The following MLLT3 variants were observed in gnomAD, a reference collection of about 807,000 sequenced individuals.
MLLT3 encodes MLLT3 super elongation complex subunit, also known as protein AF-9.
MLLT3 carries 4 observed loss-of-function variants against 53.2 expected under a neutral mutation model. That is an observed-to-expected ratio of 0.08 (90% CI 0.04 to 0.17). The LOEUF (loss-of-function observed/expected upper bound fraction) is 0.17, where lower values mean the gene tolerates loss of function less well. Ranked by LOEUF, MLLT3 falls within the 10% of genes least tolerant of loss-of-function variation. The pLI is 1.00. For missense variants in MLLT3, 569 were observed against 684.0 expected (o/e 0.83, Z 1.87); for synonymous variants, 283 against 230.6 (o/e 1.23, Z -2.06).
intron 2 of MLLT3, among the ~76,000 whole-genome samples, chr9:20,618,557 A>T (rs1229708484): frequency 2.6e-5 from 4 of 152,242 alleles, no homozygotes; most frequent in African/African-American, 9.6e-5. Flanking sequence ...TAAACATTTT[A>T]AAACAATGGC....
chr9:20,441,547 T>A (rs1404547564), intron 4 of MLLT3, among the ~76,000 whole-genome samples: 1 of 152,106 alleles, frequency 6.6e-6, no homozygotes, highest in African/African-American at 2.4e-5. Flanking sequence ...ATGCCAAATA[T>A]GACAGAAAAT....
chr9:20,442,532 T>C (rs958005262), intron 4 of MLLT3, among the ~76,000 whole-genome samples: 1 of 152,164 alleles, frequency 6.6e-6, no homozygotes, highest in Non-Finnish European at 1.5e-5. Flanking sequence ...TTGTGATCCA[T>C]ACAGTTGAGA....
At chr9:20,436,045 A>AATCTTTTAT (rs1313969440) in intron 4 of MLLT3, among the ~76,000 whole-genome samples, 1 of 152,134 alleles carries the variant, frequency 6.6e-6, no homozygotes, top group African/African-American at 2.4e-5. Context: ...CTGAGCGGAA[A>AATCTTTTAT]ATCTTTTAAT....
In MLLT3 at chr9:20,423,582, G is replaced by A. The variant is rs923607591; in HGVS notation, c.421-9157C>T. ...AATCCCTGCATTTAGGGAGGCCAAGGAAGGAGGATCACTTGAGCCCAGGGG... is the reference window on the plus strand; with the variant it reads ...AATCCCTGCATTTAGGGAGGCCAAGAAAGGAGGATCACTTGAGCCCAGGGG... On this transcript the variant is annotated intron_variant, in intron 4 of 10. Coordinates refer to ENST00000380338, the MANE Select transcript of MLLT3 (RefSeq NM_004529.4). 7.9e-5 allele frequency among the ~76,000 whole-genome samples: 12 copies of A among 152,030 alleles called. No individual in the cohort carries two copies. The South Asian group carries it at 8.3e-4, about 11-fold the overall frequency.
intron 2 of MLLT3, among the ~76,000 whole-genome samples, chr9:20,457,080 C>G (rs891909895): frequency 2.6e-5 from 4 of 151,952 alleles, no homozygotes; most frequent in Admixed American, 6.6e-5. Context: ...TATTACCCTG[C>G]CCAAAAGCTT....
At chr9:20,586,779 GT>G (rs1819976925) in intron 2 of MLLT3, among the ~76,000 whole-genome samples, 1 of 152,060 alleles carries the variant, frequency 6.6e-6, no homozygotes, top group African/African-American at 2.4e-5. Flanking sequence ...TGGGGAAATG[GT>G]TTCCCATTCC....
At chr9:20,423,111 G>A (rs1185770579) in intron 4 of MLLT3, among the ~76,000 whole-genome samples, 1 of 152,258 alleles carries the variant, frequency 6.6e-6, no homozygotes, top group Admixed American at 6.5e-5. Context: ...AGGCTGGAGT[G>A]CAGTGACCTT....
At chr9:20,542,141 G>A (rs1297298901) in intron 2 of MLLT3, among the ~76,000 whole-genome samples, 3 of 152,020 alleles carry the variant, frequency 2.0e-5, no homozygotes, top group South Asian at 2.1e-4. Context: ...GCTGTAGAAT[G>A]GGTGTTGTGT....
At chr9:20,555,031 AC>A (rs1481079141) in intron 2 of MLLT3, among the ~76,000 whole-genome samples, 1 of 152,222 alleles carries the variant, frequency 6.6e-6, no homozygotes, top group African/African-American at 2.4e-5. Flanking sequence ...CTACAACTAG[AC>A]CAAGTAGTCA....
At position 20,438,549 on chromosome 9, in the gene MLLT3, G is replaced by C. The variant is rs920015121; in HGVS notation, c.420+9574C>G. Among the ~76,000 whole-genome samples, 3 of 152,138 alleles carry C rather than the reference G, an allele frequency of 2.0e-5. 1 individual carries two copies. Among genetic ancestry groups the C allele is most frequent in the Non-Finnish European group, 1.5e-5 (1 of 68,018 alleles). On this transcript the variant is annotated intron_variant, in intron 4 of 10. Transcript: ENST00000380338. Reference sequence around the variant, plus strand: ...TCCTCCTACTTCAGCCTCCTGAGCAGCTAGGACTATAGAGGTTTGTCACTA... The same window carrying C: ...TCCTCCTACTTCAGCCTCCTGAGCACCTAGGACTATAGAGGTTTGTCACTA...
In MLLT3 at chr9:20,342,357, C is replaced by T. The variant is rs1248641101; in HGVS notation, c.*4086G>A. ...TACACATACACAATGTATCTTTCAA[C>T]ATAACTACACATACACAGTCCATTA... On this transcript the variant is annotated 3_prime_UTR_variant, in exon 11 of 11. Transcript: ENST00000380338. 2 of 224,280 alleles carry T rather than the reference C, an allele frequency of 8.9e-6. No individual in the cohort carries two copies. Among genetic ancestry groups the T allele is most frequent in the African/African-American group, 4.5e-5 (2 of 44,818 alleles). The allele number at this position is 224,280 out of a possible 1,614,324, so 13.9% of individuals were successfully genotyped here.
chr9:20,438,537 G>A (rs1269301761), intron 4 of MLLT3, among the ~76,000 whole-genome samples: 1 of 152,164 alleles, frequency 6.6e-6, no homozygotes, highest in Non-Finnish European at 1.5e-5. Flanking sequence ...TCCTACTTCA[G>A]CCTCCTGAGC....
At chr9:20,511,321 T>C (rs913688080) in intron 2 of MLLT3, among the ~76,000 whole-genome samples, 2 of 152,258 alleles carry the variant, frequency 1.3e-5, no homozygotes, top group South Asian at 2.1e-4. Flanking sequence ...AGACCCAGTA[T>C]TGGAAAGAAT....
chr9:20,537,904 T>C (rs907682009), intron 2 of MLLT3, among the ~76,000 whole-genome samples: 2 of 152,200 alleles, frequency 1.3e-5, no homozygotes, highest in East Asian at 1.9e-4. Flanking sequence ...GTTTGAAACA[T>C]ATATTTTAAA....
intron 2 of MLLT3, among the ~76,000 whole-genome samples, chr9:20,462,181 C>G (rs914889687): frequency 1.3e-5 from 2 of 152,206 alleles, no homozygotes; most frequent in Non-Finnish European, 2.9e-5. Context: ...CAAAAATCAA[C>G]AGTTGAGTTT....
intron 2 of MLLT3, among the ~76,000 whole-genome samples, chr9:20,525,772 T>G (rs1318933357): frequency 1.3e-5 from 2 of 152,234 alleles, no homozygotes; most frequent in African/African-American, 2.4e-5. Context: ...AATGTGTCAG[T>G]CCAGGCTTTT....
chr9:20,396,700 C>T (rs753346074), intron 5 of MLLT3, among the ~76,000 whole-genome samples: 7 of 152,000 alleles, frequency 4.6e-5, no homozygotes, highest in African/African-American at 7.2e-5. Flanking sequence ...TAGATGCCGT[C>T]AAAGCTGACA....
rs1563942041 is a variant in MLLT3, at chr9:20,375,608, TTC to T, written c.1126-9866_1126-9865del. Among the ~76,000 whole-genome samples the T allele has an allele frequency of 4.8e-3, 530 of 110,456 alleles. 19 individuals carry two copies. Among genetic ancestry groups the T allele is most frequent in the African/African-American group, 0.042 (466 of 11,112 alleles). The allele number at this position is 110,456 out of a possible 152,430, so 72.5% of individuals were successfully genotyped here. A position where few individuals can be genotyped will look rare whatever the true frequency, so the allele number is the denominator to read the frequency against. Reference sequence around the variant, plus strand: ...TTTCAGTAATTTTTTTTTTTTTCTTTTCTTTTTTTTTTTTTTTGAGACAGAGT... The same window carrying T: ...TTTCAGTAATTTTTTTTTTTTTCTTTTTTTTTTTTTTTTTTGAGACAGAGT... On this transcript the variant is annotated intron_variant, in intron 5 of 10. Transcript: ENST00000380338.
chr9:20,592,566 G>A (rs1279737506), intron 2 of MLLT3, among the ~76,000 whole-genome samples: 1 of 152,094 alleles, frequency 6.6e-6, no homozygotes, highest in East Asian at 1.9e-4. Flanking sequence ...CTTCTTTAAG[G>A]ATTCTACCTC....
Sources: allele counts gnomAD v4.1 joint callset (sites outside exome capture counted in the v4.1 genomes callset), GRCh38; gene constraint gnomAD v4.1.1; transcripts MANE v1.5; gene names NCBI Gene and HGNC (gene_info 2026-07-23, HGNC 2026-07-21).